The following PARD3B variants were observed in gnomAD, a reference collection of about 807,000 sequenced individuals.
PARD3B encodes par-3 family cell polarity regulator beta, also known as partitioning defective 3 homolog B.
Under a neutral mutation model 130.2 loss-of-function variants are expected in PARD3B, and 103 were observed. The ratio of observed to expected loss-of-function variants is 0.79; its 90% CI spans 0.67 to 0.93. The LOEUF (loss-of-function observed/expected upper bound fraction) is 0.93. PARD3B is among the 40% of genes least tolerant of loss of function. The pLI is 0.00. For synonymous variants in PARD3B, 583 were observed against 553.2 expected (o/e 1.05, Z -0.76); for missense variants, 1,609 against 1,499.2 (o/e 1.07, Z -1.21).
intron 11 of PARD3B, among the ~76,000 whole-genome samples, chr2:205,165,220 G>T (rs868623031): frequency 4.6e-5 from 7 of 152,094 alleles, no homozygotes; most frequent in Admixed American, 2.0e-4. Context: ...GGAAAGGATG[G>T]AGAAGAAACT....
rs1459853306 is a variant in PARD3B, at chr2:205,244,174, G to C, written c.2141-1604G>C. ...AGCTTAGAAAAGGAGGGCTAGGTGG[G>C]AGTGGGAAGATTATGTATAGTAACT... On this transcript the variant is annotated intron_variant, in intron 15 of 22. Transcript: ENST00000406610. This position sits in a 1 kb window ranked among gnomAD's most constrained non-coding sequence, Gnocchi z 4.7. Among the ~76,000 whole-genome samples the C allele has an allele frequency of 2.6e-5, 4 of 152,210 alleles. No homozygotes were observed. Among genetic ancestry groups the C allele is most frequent in the Non-Finnish European group, 2.9e-5 (2 of 68,036 alleles).
intron 10 of PARD3B, among the ~76,000 whole-genome samples, chr2:205,156,099 A>C (rs849127): frequency 0.011 from 1,655 of 151,018 alleles, 31 homozygotes; most frequent in African/African-American, 0.034. Flanking sequence ...ATGATGAGTT[A>C]ATGTCCTTTG....
chr2:204,718,876 T>G (rs183583860), intron 2 of PARD3B, among the ~76,000 whole-genome samples: 113 of 152,334 alleles, frequency 7.4e-4, no homozygotes, highest in African/African-American at 2.5e-3. Flanking sequence ...CTTCAGAAAC[T>G]GAAAATGAGT....
intron 4 of PARD3B, among the ~76,000 whole-genome samples, chr2:205,079,314 C>G (rs752899099): frequency 4.6e-5 from 7 of 152,072 alleles, no homozygotes; most frequent in African/African-American, 1.7e-4. Context: ...GCAAAATACC[C>G]GAGACTAGGT....
intron 18 of PARD3B, among the ~76,000 whole-genome samples, chr2:205,382,331 T>C (rs1173661178): frequency 1.3e-5 from 2 of 152,078 alleles, no homozygotes; most frequent in Non-Finnish European, 2.9e-5. Context: ...CATGATTAGA[T>C]TGAGGTTATG....
intron 8 of PARD3B, among the ~76,000 whole-genome samples, chr2:205,123,583 G>A (rs999940784): frequency 3.3e-5 from 5 of 149,906 alleles, no homozygotes; most frequent in African/African-American, 4.9e-5. Context: ...TAGAGAGAGT[G>A]ATGGATGTGA....
At position 204,555,942 on chromosome 2, in the gene PARD3B, T is replaced by C. The variant is rs573773033; in HGVS notation, c.120+9823T>C. The stretch of plus-strand genomic sequence containing the variant: ...ATTGCCCTTCCCTGATTTACTTCTA[T>C]CTACAGACCATATTCTTCCTACCAT... On this transcript the variant is annotated intron_variant, in intron 1 of 22. Coordinates refer to ENST00000406610, the MANE Select transcript of PARD3B (RefSeq NM_001302769.2). 6.6e-5 allele frequency among the ~76,000 whole-genome samples: 10 copies of C among 152,308 alleles called. No individual in the cohort carries two copies. The South Asian group carries it at 1.7e-3, about 25-fold the overall frequency.
At chr2:204,838,808 A>G (rs1368196996) in intron 2 of PARD3B, among the ~76,000 whole-genome samples, 1 of 152,206 alleles carries the variant, frequency 6.6e-6, no homozygotes, top group Admixed American at 6.5e-5. Context: ...GTATTAAATT[A>G]TTACATGTAA....
chr2:205,283,090 CTA>C (rs1338200854), intron 16 of PARD3B, among the ~76,000 whole-genome samples: 1 of 152,196 alleles, frequency 6.6e-6, no homozygotes, highest in Non-Finnish European at 1.5e-5. Flanking sequence ...TGTATAAACT[CTA>C]TTCAGCAAAT....
chr2:205,084,673 A>G lies in PARD3B; in HGVS notation c.505-19753A>G, dbSNP rs542426644. 7.2e-5 allele frequency among the ~76,000 whole-genome samples: 11 copies of G among 152,076 alleles called. No individual in the cohort carries two copies. The South Asian group carries it at 1.9e-3, about 26-fold the overall frequency. ...GTTGTTTAGGTAACATACTTCCTAT[A>G]AAGTTTCCTAATGTGCAGTGGTGAG... On this transcript the variant is annotated intron_variant, in intron 4 of 22. Transcript: ENST00000406610.
chr2:204,731,711 T>A (rs1435469818), intron 2 of PARD3B, among the ~76,000 whole-genome samples: 1 of 152,220 alleles, frequency 6.6e-6, no homozygotes, highest in East Asian at 1.9e-4. Context: ...TTTAACCAAA[T>A]AAAAATTGGG....
intron 2 of PARD3B, among the ~76,000 whole-genome samples, chr2:204,773,520 C>T (rs763773501): frequency 6.6e-6 from 1 of 152,036 alleles, no homozygotes; most frequent in Non-Finnish European, 1.5e-5. Flanking sequence ...ACATCTTTTA[C>T]AAAACTCAAC....
intron 2 of PARD3B, among the ~76,000 whole-genome samples, chr2:204,852,160 T>C (rs1362945455): frequency 6.6e-6 from 1 of 150,644 alleles, no homozygotes; most frequent in Non-Finnish European, 1.5e-5. Context: ...CTTTTAGGTT[T>C]CTTGCCACAA....
intron 18 of PARD3B, among the ~76,000 whole-genome samples, chr2:205,350,936 A>G (rs913968192): frequency 6.6e-6 from 1 of 152,150 alleles, no homozygotes; most frequent in Non-Finnish European, 1.5e-5. Flanking sequence ...TACTTAGTTC[A>G]AGTTATGCTA....
At chr2:205,150,298 A>G (rs2033668473) in intron 10 of PARD3B, among the ~76,000 whole-genome samples, 1 of 151,086 alleles carries the variant, frequency 6.6e-6, no homozygotes, top group Admixed American at 6.6e-5. Context: ...GTTGCCTGAA[A>G]GATGGAAACC....
At chr2:205,080,459 A>G (rs1701334982) in intron 4 of PARD3B, among the ~76,000 whole-genome samples, 1 of 152,132 alleles carries the variant, frequency 6.6e-6, no homozygotes, top group Non-Finnish European at 1.5e-5. Flanking sequence ...ACTCCTTGAT[A>G]TGAAAAGGGA....
At position 205,296,663 on chromosome 2, in the gene PARD3B, A is replaced by ACG. The variant is rs1419782888; in HGVS notation, c.2186-3867_2186-3866insCG. 3.6e-3 allele frequency among the ~76,000 whole-genome samples: 494 copies of ACG among 138,030 alleles called. 1 individual carries two copies. The highest frequency in any genetic ancestry group is 0.012 in the African/African-American group (478 of 38,330). The allele number at this position is 138,030 out of a possible 152,430, so 90.6% of individuals were successfully genotyped here. A position where few individuals can be genotyped will look rare whatever the true frequency, so the allele number is the denominator to read the frequency against. ...CTTTAGTCTTGGAGTGTGTTTGTGT[A>ACG]TGTGTGTGTGTGTGTGTGTGTGTGT... is the stretch of plus-strand genomic sequence containing the variant. On this transcript the variant is annotated intron_variant, in intron 16 of 22. Transcript: ENST00000406610.
At chr2:204,718,141 C>T (rs1439205917) in intron 2 of PARD3B, among the ~76,000 whole-genome samples, 1 of 152,034 alleles carries the variant, frequency 6.6e-6, no homozygotes, top group Non-Finnish European at 1.5e-5. Context: ...AAATTAATGT[C>T]TCAGCATTTG....
chr2:204,831,132 T>A (rs1050265152), intron 2 of PARD3B, among the ~76,000 whole-genome samples: 2 of 152,342 alleles, frequency 1.3e-5, no homozygotes, highest in Admixed American at 6.5e-5. Flanking sequence ...TTTAGCTTAA[T>A]AGCTTTGTTT....
Sources: gnomAD v4.1 joint callset for allele counts (sites outside exome capture counted in the v4.1 genomes callset) on GRCh38, gnomAD v4.1.1 for gene constraint, Gnocchi (gnomAD v3.1) non-coding constraint, MANE v1.5 for transcripts, NCBI Gene and HGNC (gene_info 2026-07-23, HGNC 2026-07-21) for gene names.